The following DNAAF6 variants were observed in gnomAD, a reference collection of about 807,000 sequenced individuals.
DNAAF6 encodes PIH1 domain containing 3.
In DNAAF6, 3 loss-of-function variants were observed where a neutral mutation model predicts 13.7. That is an observed-to-expected ratio of 0.22 (90% CI 0.10 to 0.56). The LOEUF (loss-of-function observed/expected upper bound fraction) is 0.56, where lower values mean the gene tolerates loss of function less well. Ranked by LOEUF, DNAAF6 falls within the 20% of genes least tolerant of loss-of-function variation. The probability of loss-of-function intolerance (pLI) is 0.92; values close to 1 mark genes in which losing one functional copy is unlikely to be tolerated. For synonymous variants in DNAAF6, 54 were observed against 49.2 expected, an observed-to-expected ratio of 1.10 and a Z score of -0.41; for missense variants, 130 against 151.0, an observed-to-expected ratio of 0.86 and a Z score of 0.73.
chrX:107,213,580 C>T (rs1237490830), intron 2 of DNAAF6, among the ~76,000 whole-genome samples: 1 of 111,813 alleles, frequency 8.9e-6, no homozygotes, highest in Non-Finnish European at 1.9e-5. Context: ...CATTTGGGGT[C>T]AAGATAGGTA....
Position 107,218,972 on chromosome X carries a change from A to C in DNAAF6, c.332+3A>C. 8.6e-7 allele frequency: 1 copy of C among 1,168,667 alleles called. No homozygotes were observed. The highest frequency in any genetic ancestry group is 2.9e-5 in the Admixed American group (1 of 34,522). The stretch of plus-strand genomic sequence containing the variant: ...TGGGATGTTAGAGAAATCCCAGAGT[A>C]AGTCAAATGAAGCCAGGAATGTCTT... On this transcript the variant is annotated splice_donor_region_variant and intron_variant, in intron 4 of 6. Transcript: ENST00000372453.
intron 5 of DNAAF6, among the ~76,000 whole-genome samples, chrX:107,227,432 G>GATAATGAA (rs1170425216): frequency 9.0e-6 from 1 of 110,733 alleles, no homozygotes. Flanking sequence ...TTGGCTGCTT[G>GATAATGAA]ATAATGAAAT....
At chrX:107,213,488 TA>T (rs1312460964) in intron 2 of DNAAF6, among the ~76,000 whole-genome samples, 9 of 112,218 alleles carry the variant, frequency 8.0e-5, no homozygotes, top group Non-Finnish European at 1.9e-5. Context: ...AGCCAAATAA[TA>T]GGGCAAACTA....
intron 5 of DNAAF6, among the ~76,000 whole-genome samples, chrX:107,235,827 A>C (rs771323376): frequency 7.2e-5 from 8 of 111,534 alleles, no homozygotes; most frequent in African/African-American, 2.6e-4. Context: ...GATGACCAGT[A>C]AACAATAAAT....
chrX:107,210,985 A>C (rs968543229), intron 1 of DNAAF6, among the ~76,000 whole-genome samples: 5 of 111,860 alleles, frequency 4.5e-5, no homozygotes, highest in Non-Finnish European at 3.8e-5. Flanking sequence ...TAGAGCTATA[A>C]ACTAACACTG....
rs769534280 is a variant in DNAAF6, at chrX:107,213,409, G to A, written c.153+381G>A. The stretch of plus-strand genomic sequence containing the variant: ...TATTTTCAGTTATACAGTATTAATT[G>A]GACCACCAAGTACCAGTCCCTTAAT... On this transcript the variant is annotated intron_variant, in intron 2 of 6. Transcript: ENST00000372453. 8.1e-5 allele frequency among the ~76,000 whole-genome samples: 9 copies of A among 111,609 alleles called. No homozygotes were observed. The East Asian group carries it at 2.2e-3, about 28-fold the overall frequency.
intron 5 of DNAAF6, among the ~76,000 whole-genome samples, chrX:107,225,829 T>A (rs1928243663): frequency 8.9e-6 from 1 of 111,870 alleles, no homozygotes; most frequent in Non-Finnish European, 1.9e-5. Flanking sequence ...AAACACTCCC[T>A]GCCCTATTGT....
rs770686335 is a variant in DNAAF6, at chrX:107,222,766, G to A, written c.354G>A (p.Gln118=). Residue 118 remains glutamine, a synonymous_variant, in exon 5 of 7, where the codon CAG becomes CAA. Transcript: ENST00000372453. ...TCAGGTATGAGATTATATTCAGACA[G>A]CAGGTGGGAACTGAAGATATATTTT... The part of the protein sequence containing the change: ...EIPEYEIIFR[Q]QVGTEDIFLG... 4.2e-6 allele frequency: 5 copies of A among 1,204,480 alleles called. No homozygotes were observed. In the South Asian group the frequency reaches 9.1e-5, roughly 22 times the overall value.
chrX:107,239,325 G>A (rs1057182938), intron 6 of DNAAF6, among the ~76,000 whole-genome samples: 11 of 111,982 alleles, frequency 9.8e-5, no homozygotes, highest in Non-Finnish European at 1.7e-4. Context: ...AGTCTTATAT[G>A]TGGTTTTTGT....
At chrX:107,220,254 T>TA (rs1213252099) in intron 4 of DNAAF6, among the ~76,000 whole-genome samples, 47 of 112,078 alleles carry the variant, frequency 4.2e-4, no homozygotes, top group African/African-American at 1.5e-3. Flanking sequence ...ATAAACCTCA[T>TA]AAAAAATCAA....
At position 107,243,153 on chromosome X, in the gene DNAAF6, T is replaced by C. The variant is rs755299878; in HGVS notation, c.516-16T>C. 4.2e-6 allele frequency: 5 copies of C among 1,195,017 alleles called. No individual in the cohort carries two copies. The highest frequency in any genetic ancestry group is 3.6e-5 in the African/African-American group (2 of 55,803). ...ATTTTAGGAAGCTAAGGTTTTATTT[T>C]GTTGTTTTTTTTTAGGAAGCTGTTG... On this transcript the variant is annotated splice_polypyrimidine_tract_variant and intron_variant, in intron 6 of 6. Coordinates refer to ENST00000372453, the MANE Select transcript of DNAAF6 (RefSeq NM_173494.2).
At chrX:107,221,287 T>C (rs1191078155) in intron 4 of DNAAF6, among the ~76,000 whole-genome samples, 1 of 109,846 alleles carries the variant, frequency 9.1e-6, no homozygotes, top group Non-Finnish European at 1.9e-5. Flanking sequence ...ATTTGTTTTT[T>C]TTCTTCGCCA....
At position 107,222,856 on chromosome X, in the gene DNAAF6, C is replaced by T; in HGVS notation, c.429+15C>T. The stretch of plus-strand genomic sequence containing the variant: ...GTGAACTAGTGGTAAGCCTCTCCTC[C>T]CCTTCTTCATTTTCTATACAACCAT... On this transcript the variant is annotated intron_variant, in intron 5 of 6. Transcript: ENST00000372453. 8.4e-7 allele frequency: 1 copy of T among 1,189,518 alleles called. No homozygotes were observed. Among genetic ancestry groups the T allele is most frequent in the Non-Finnish European group, 1.1e-6 (1 of 886,781 alleles).
intron 2 of DNAAF6, among the ~76,000 whole-genome samples, chrX:107,213,386 T>C (rs182108689): frequency 8.9e-6 from 1 of 112,034 alleles, no homozygotes. Flanking sequence ...AAAACAAATA[T>C]TTTCAGTTAT....
At chrX:107,226,541 A>T (rs767567948) in intron 5 of DNAAF6, among the ~76,000 whole-genome samples, 15 of 111,958 alleles carry the variant, frequency 1.3e-4, no homozygotes, top group Non-Finnish European at 2.4e-4. Context: ...TCTCCATAGG[A>T]TTATTTGTGG....
At chrX:107,229,938 C>T (rs1029935689) in intron 5 of DNAAF6, among the ~76,000 whole-genome samples, 30 of 111,272 alleles carry the variant, frequency 2.7e-4, no homozygotes, top group Admixed American at 8.5e-4. Flanking sequence ...CCGCCCGCCT[C>T]GGCCTCCCAA....
At chrX:107,232,972 G>A (rs1602688472) in intron 5 of DNAAF6, among the ~76,000 whole-genome samples, 1 of 110,892 alleles carries the variant, frequency 9.0e-6, no homozygotes, top group South Asian at 3.9e-4. Context: ...GAACTCCTGA[G>A]CTCAAGTGAT....
chrX:107,237,132 G>C (rs1274865233), intron 5 of DNAAF6, among the ~76,000 whole-genome samples: 7 of 112,324 alleles, frequency 6.2e-5, no homozygotes, highest in Non-Finnish European at 9.4e-5. Context: ...ATTTAATAAA[G>C]TAAAATATAA....
chrX:107,221,584 T>C (rs1199389570), intron 4 of DNAAF6, among the ~76,000 whole-genome samples: 1 of 111,552 alleles, frequency 9.0e-6, no homozygotes, highest in Non-Finnish European at 1.9e-5. Context: ...AGGCAAACCT[T>C]TGTAGTAGAC....
Sources: allele counts gnomAD v4.1 joint callset (sites outside exome capture counted in the v4.1 genomes callset), GRCh38; gene constraint gnomAD v4.1.1; transcripts MANE v1.5; gene names NCBI Gene and HGNC (gene_info 2026-07-23, HGNC 2026-07-21).